Variants in HERC4 observed in about 807,000 individuals in gnomAD.
HERC4 encodes the protein probable E3 ubiquitin-protein ligase HERC4.
In HERC4, 28 loss-of-function variants were observed where a neutral mutation model predicts 124.3. The ratio of observed to expected loss-of-function variants is 0.23; its 90% CI spans 0.17 to 0.31. HERC4 has a LOEUF of 0.31. Ranked by LOEUF, HERC4 falls within the 10% of genes least tolerant of loss-of-function variation. HERC4 has a pLI of 1.00. For synonymous variants in HERC4, 407 were observed against 421.5 expected (o/e 0.97, Z 0.42); for missense variants, 713 against 1,229.3 (o/e 0.58, Z 6.28).
At chr10:68,064,814 T>C (rs1214582664) in intron 3 of HERC4, among the ~76,000 whole-genome samples, 1 of 151,300 alleles carries the variant, frequency 6.6e-6, no homozygotes, top group African/African-American at 2.4e-5. Context: ...CTACTAAAAA[T>C]ACAAAAAATT....
chr10:68,060,846 T>C (rs768968483), intron 3 of HERC4, among the ~76,000 whole-genome samples: 1 of 152,156 alleles, frequency 6.6e-6, no homozygotes, highest in African/African-American at 2.4e-5. Context: ...ACACATATGC[T>C]GATTGATCAA....
intron 15 of HERC4, among the ~76,000 whole-genome samples, chr10:67,986,288 T>C (rs1485182690): frequency 6.6e-6 from 1 of 152,222 alleles, no homozygotes; most frequent in African/African-American, 2.4e-5. Flanking sequence ...AAGTAGTGGT[T>C]TTCCATTCAA....
intron 15 of HERC4, among the ~76,000 whole-genome samples, chr10:67,968,503 G>A (rs900855576): frequency 6.6e-6 from 1 of 151,556 alleles, no homozygotes; most frequent in African/African-American, 2.4e-5. Flanking sequence ...CTCCTGAGTA[G>A]CTGGGACTAC....
intron 8 of HERC4, among the ~76,000 whole-genome samples, chr10:68,016,640 T>C (rs755809675): frequency 1.6e-4 from 25 of 152,114 alleles, no homozygotes; most frequent in Non-Finnish European, 3.1e-4. Flanking sequence ...CTTGAGCCAC[T>C]GCACCCGGCC....
At chr10:67,953,072 A>G (rs1297920611) in intron 19 of HERC4, among the ~76,000 whole-genome samples, 1 of 152,114 alleles carries the variant, frequency 6.6e-6, no homozygotes, top group African/African-American at 2.4e-5. Flanking sequence ...ATATATTTAA[A>G]GGAGGATAGC....
intron 7 of HERC4, among the ~76,000 whole-genome samples, chr10:68,029,545 C>G (rs2039083304): frequency 6.6e-6 from 1 of 151,650 alleles, no homozygotes; most frequent in Non-Finnish European, 1.5e-5. Flanking sequence ...TTTAGTTTAT[C>G]CTTAGTGTAT....
chr10:68,008,134 C>T (rs2037694932), intron 9 of HERC4: 1 of 152,252 alleles, frequency 6.6e-6, no homozygotes, highest in Non-Finnish European at 1.5e-5. Context: ...TACTCTCCCC[C>T]AAACAAATGA....
Position 67,966,775 on chromosome 10 carries a change from G to A in HERC4, c.1834C>T (p.Gln612Ter). 6.4e-7 allele frequency: 1 copy of A among 1,564,120 alleles called. No homozygotes were observed. Among genetic ancestry groups the A allele is most frequent in the Non-Finnish European group, 8.7e-7 (1 of 1,149,820 alleles). ...TCATGTATATAAAATTTATCATACT[G>A]TATAATCTGTCCCATTTTCTCATTT... The part of the protein sequence containing the change: ...RVNEKMGQII[Q>*]YDKFYIHEVQ... Residue 612 changes from glutamine to a stop codon, truncating the protein, a stop_gained, in exon 16 of 25, where the codon CAG becomes TAG. Transcript: ENST00000373700. LOFTEE classifies it high-confidence loss of function.
Position 67,966,789 on chromosome 10 carries a change from AT to A in HERC4, c.1819del (p.Met607TrpfsTer18). ...TTTATCATACTGTATAATCTGTCCC[AT>A]TTTCTCATTTACCTACAAAAGAAAA... Reference protein sequence around the residue: ...LEILHRVNEKMGQIIQYDKFY... With the variant: ...LEILHRVNEKXGQIIQYDKFY... On this transcript the variant is annotated frameshift_variant, in exon 16 of 25. Coordinates refer to ENST00000373700, the MANE Select transcript of HERC4 (RefSeq NM_015601.4). LOFTEE classifies it high-confidence loss of function. The A allele has an allele frequency of 6.5e-7, 1 of 1,546,380 alleles. No homozygotes were observed.
At chr10:68,069,706 TA>T in intron 3 of HERC4, 3 of 985,468 alleles carry the variant, frequency 3.0e-6, no homozygotes, top group Non-Finnish European at 3.6e-6. Context: ...AAACAATTCT[TA>T]GTTCCCTCCA....
At chr10:67,981,272 G>A (rs1212946205) in intron 15 of HERC4, among the ~76,000 whole-genome samples, 1 of 152,174 alleles carries the variant, frequency 6.6e-6, no homozygotes, top group Admixed American at 6.5e-5. Flanking sequence ...TTACAAAAGT[G>A]TAAGAAGAGA....
At chr10:68,059,574 A>G (rs1165553448) in intron 3 of HERC4, among the ~76,000 whole-genome samples, 2 of 81,370 alleles carry the variant, frequency 2.5e-5, no homozygotes, top group African/African-American at 7.6e-5. Context: ...AATATTATAT[A>G]TCATATTATA....
At chr10:67,966,894 A>G (rs1398699475) in intron 15 of HERC4, 92 bp from the exon 16 acceptor site, 3 of 984,550 alleles carry the variant, frequency 3.0e-6, no homozygotes, top group East Asian at 3.3e-5. Flanking sequence ...TCACTCTGTC[A>G]ACCAGGCTGG....
chr10:68,000,294 T>C (rs767188163), intron 9 of HERC4, among the ~76,000 whole-genome samples: 1 of 152,082 alleles, frequency 6.6e-6, no homozygotes, highest in African/African-American at 2.4e-5. Flanking sequence ...ACTTTGTATA[T>C]TGGGCAAGGC....
At chr10:68,040,558 C>T in intron 4 of HERC4, 1 of 541,560 alleles carries the variant, frequency 1.8e-6, no homozygotes, top group Non-Finnish European at 2.4e-6. Context: ...TGTGTTTAAT[C>T]ATTTCTAATT....
intron 15 of HERC4, among the ~76,000 whole-genome samples, chr10:67,973,417 C>G (rs149998782): frequency 6.6e-6 from 1 of 152,292 alleles, no homozygotes; most frequent in East Asian, 1.9e-4. Context: ...AAACAAGGCC[C>G]AATCCCGTAG....
At chr10:68,025,436 G>C in intron 8 of HERC4, 110 bp downstream of exon 8, 1 of 1,219,720 alleles carries the variant, frequency 8.2e-7, no homozygotes, top group Non-Finnish European at 1.1e-6. Context: ...TAGGTATTTG[G>C]GGGCAGAATG....
intron 3 of HERC4, 144 bp downstream of exon 3, chr10:68,072,739 C>T: frequency 1.8e-6 from 1 of 562,556 alleles, no homozygotes; most frequent in Non-Finnish European, 3.0e-6. Context: ...TACAAATATA[C>T]ACATATAATG....
intron 3 of HERC4, chr10:68,069,634 T>C (rs1431750611): frequency 1.0e-6 from 1 of 984,976 alleles, no homozygotes; most frequent in Admixed American, 6.1e-5. Context: ...AGGCTACCTC[T>C]TTCTCCTTCA....
Sources: gnomAD v4.1 joint callset for allele counts (sites outside exome capture counted in the v4.1 genomes callset) on GRCh38, gnomAD v4.1.1 for gene constraint, MANE v1.5 for transcripts, NCBI Gene and HGNC (gene_info 2026-07-23, HGNC 2026-07-21) for gene names.